Variants in KCNIP4 observed in about 807,000 individuals in gnomAD.
KCNIP4 encodes potassium voltage-gated channel interacting protein 4.
A neutral mutation model predicts 34.0 loss-of-function variants in KCNIP4; 12 were observed. That is an observed-to-expected ratio of 0.35 (90% confidence interval 0.23 to 0.57). The LOEUF (loss-of-function observed/expected upper bound fraction) is 0.57. KCNIP4 is among the 20% of genes least tolerant of loss of function. The probability of loss-of-function intolerance (pLI) is 0.83; values close to 1 mark genes in which losing one functional copy is unlikely to be tolerated. For synonymous variants in KCNIP4, 124 were observed against 102.2 expected, an observed-to-expected ratio of 1.21 and a Z score of -1.29; for missense variants, 238 against 311.7, an observed-to-expected ratio of 0.76 and a Z score of 1.78.
intron 3 of KCNIP4, among the ~76,000 whole-genome samples, chr4:20,772,861 T>TG (rs548299041): frequency 9.2e-5 from 14 of 152,096 alleles, no homozygotes; most frequent in Non-Finnish European, 1.9e-4. Context: ...CTCGAACTCC[T>TG]GACCTCAGGT....
At chr4:21,148,507 C>T (rs1423980404) in intron 1 of KCNIP4, among the ~76,000 whole-genome samples, 7 of 152,032 alleles carry the variant, frequency 4.6e-5, no homozygotes, top group Non-Finnish European at 7.4e-5. Context: ...ATGCTTACAC[C>T]GTTCTGACAT....
intron 1 of KCNIP4, among the ~76,000 whole-genome samples, chr4:21,137,716 T>A (rs1392674034): frequency 6.6e-6 from 1 of 152,112 alleles, no homozygotes; most frequent in African/African-American, 2.4e-5. Context: ...ATGATGAGAT[T>A]ACTAGCATTT....
In KCNIP4 at chr4:21,040,902, G is replaced by C. The variant is rs552621189; in HGVS notation, c.62-158193C>G. Among the ~76,000 whole-genome samples the C allele has an allele frequency of 6.1e-5, 9 of 146,534 alleles. 1 individual carries two copies. In the East Asian group the frequency reaches 1.9e-3, roughly 30 times the overall value. On this transcript the variant is annotated intron_variant, in intron 1 of 8. Coordinates refer to ENST00000382152, the MANE Select transcript of KCNIP4 (RefSeq NM_025221.6). ...ACGCTCTCACTTATTACATTATTTT[G>C]GTTAACTGTCTTCATGTGATAAGTG...
chr4:21,615,738 G>A (rs959620741), intron 1 of KCNIP4, among the ~76,000 whole-genome samples: 4 of 152,036 alleles, frequency 2.6e-5, no homozygotes. Flanking sequence ...TTTATTCTTT[G>A]AGAAGGCAAA....
chr4:20,962,305 G>A (rs1392400400), intron 1 of KCNIP4, among the ~76,000 whole-genome samples: 1 of 152,182 alleles, frequency 6.6e-6, no homozygotes, highest in African/African-American at 2.4e-5. Flanking sequence ...GTGACTGTCA[G>A]CATCACTCCC....
intron 1 of KCNIP4, among the ~76,000 whole-genome samples, chr4:21,438,237 G>T (rs1320514428): frequency 6.6e-6 from 1 of 152,158 alleles, no homozygotes; most frequent in Non-Finnish European, 1.5e-5. Flanking sequence ...TGGTGGTGGG[G>T]AAGGTAATAT....
At chr4:21,006,690 G>C (rs1738584934) in intron 1 of KCNIP4, among the ~76,000 whole-genome samples, 1 of 152,198 alleles carries the variant, frequency 6.6e-6, no homozygotes, top group Admixed American at 6.5e-5. Flanking sequence ...AGTTAAGTTG[G>C]TCTTGAAGAA....
intron 5 of KCNIP4, among the ~76,000 whole-genome samples, chr4:20,738,989 G>A (rs1427762489): frequency 6.6e-6 from 1 of 152,174 alleles, no homozygotes; most frequent in Non-Finnish European, 1.5e-5. Context: ...CTTGCTCACT[G>A]CTATCACAGA....
At chr4:21,260,301 TTA>T (rs1761389263) in intron 1 of KCNIP4, among the ~76,000 whole-genome samples, 1 of 152,180 alleles carries the variant, frequency 6.6e-6, no homozygotes, top group Non-Finnish European at 1.5e-5. Context: ...TAGATAAAAA[TTA>T]TATCTTTAGT....
intron 1 of KCNIP4, among the ~76,000 whole-genome samples, chr4:21,585,916 A>G (rs547847547): frequency 6.6e-6 from 1 of 152,228 alleles, no homozygotes; most frequent in African/African-American, 2.4e-5. Context: ...CAACTACCAA[A>G]GAATACTCAT....
intron 1 of KCNIP4, among the ~76,000 whole-genome samples, chr4:21,578,990 T>C (rs1416723628): frequency 6.6e-6 from 1 of 152,194 alleles, no homozygotes; most frequent in Non-Finnish European, 1.5e-5. Context: ...CAACATTTGT[T>C]TCTGCTCATA....
At chr4:21,067,161 C>T (rs1744473581) in intron 1 of KCNIP4, among the ~76,000 whole-genome samples, 1 of 152,086 alleles carries the variant, frequency 6.6e-6, no homozygotes, top group African/African-American at 2.4e-5. Context: ...CAGAAGATAA[C>T]CTGCTGCCTT....
chr4:21,133,159 G>A (rs887802891), intron 1 of KCNIP4, among the ~76,000 whole-genome samples: 3 of 152,170 alleles, frequency 2.0e-5, no homozygotes, highest in African/African-American at 7.2e-5. Flanking sequence ...TAGGACAGAA[G>A]GATCACGTCA....
Position 21,863,851 on chromosome 4 carries a change from T to C in KCNIP4, c.61+84720A>G, listed in dbSNP as rs138361001. On this transcript the variant is annotated intron_variant, in intron 1 of 8. Transcript: ENST00000382152. ...ACTAAAGCTGGCCTATGAACATATT[T>C]ACAAAATAAAGGATTATCTATTATA... Among the ~76,000 whole-genome samples, 50 of 152,336 alleles carry C rather than the reference T, an allele frequency of 3.3e-4. 1 individual carries two copies. Among genetic ancestry groups the C allele is most frequent in the African/African-American group, 1.2e-3 (49 of 41,574 alleles).
chr4:21,762,365 T>G (rs1312092727), intron 1 of KCNIP4, among the ~76,000 whole-genome samples: 1 of 152,174 alleles, frequency 6.6e-6, no homozygotes, highest in Non-Finnish European at 1.5e-5. Flanking sequence ...GTGACTACCC[T>G]AAAGGACAGC....
chr4:21,219,915 A>C (rs1025395301), intron 1 of KCNIP4, among the ~76,000 whole-genome samples: 9 of 152,202 alleles, frequency 5.9e-5, no homozygotes, highest in African/African-American at 1.9e-4. Context: ...CTTCTGTATA[A>C]AATACTGTGT....
At chr4:21,120,087 G>C (rs1750023081) in intron 1 of KCNIP4, among the ~76,000 whole-genome samples, 1 of 152,142 alleles carries the variant, frequency 6.6e-6, no homozygotes, top group Non-Finnish European at 1.5e-5. Context: ...GAGACCATCA[G>C]GTCAACGTGG....
chr4:21,205,876 T>A (rs947039832), intron 1 of KCNIP4, among the ~76,000 whole-genome samples: 9 of 152,228 alleles, frequency 5.9e-5, no homozygotes, highest in Non-Finnish European at 1.5e-5. Flanking sequence ...GGTTAATCAC[T>A]GTACAAATGG....
At chr4:21,849,806 AAATT>A (rs1409878615) in intron 1 of KCNIP4, 5 of 152,120 alleles carry the variant, frequency 3.3e-5, no homozygotes, top group African/African-American at 1.2e-4. Context: ...TGATAATACT[AAATT>A]AATTACATAT....
Sources: gnomAD v4.1 joint callset for allele counts (sites outside exome capture counted in the v4.1 genomes callset) on GRCh38, gnomAD v4.1.1 for gene constraint, MANE v1.5 for transcripts, NCBI Gene and HGNC (gene_info 2026-07-23, HGNC 2026-07-21) for gene names.